The following AGBL4 variants were observed in gnomAD, a reference collection of about 807,000 sequenced individuals.
AGBL4 encodes the protein cytosolic carboxypeptidase 6.
A neutral mutation model predicts 66.4 loss-of-function variants in AGBL4; 58 were observed. The observed-to-expected ratio is 0.87, with a 90% CI of 0.71 to 1.09. The LOEUF (loss-of-function observed/expected upper bound fraction) is 1.09. AGBL4 is among the 50% of genes least tolerant of loss of function. AGBL4 has a pLI of 0.00. For synonymous variants in AGBL4, 234 were observed against 222.9 expected, an observed-to-expected ratio of 1.05 and a Z score of -0.44; for missense variants, 579 against 631.0, an observed-to-expected ratio of 0.92 and a Z score of 0.88.
intron 9 of AGBL4, among the ~76,000 whole-genome samples, chr1:48,625,224 T>C (rs1645484569): frequency 6.6e-6 from 1 of 151,996 alleles, no homozygotes; most frequent in Middle Eastern, 3.4e-3. Context: ...AGAGATGGGG[T>C]CTCACTTTGT....
In AGBL4 at chr1:48,747,251, T is replaced by A. The variant is rs147315124; in HGVS notation, c.635-84010A>T. On this transcript the variant is annotated intron_variant, in intron 6 of 13. Transcript: ENST00000371839. ...TGTGGGAAGAGTAGGAATTTTTTTTTAAAAAAGGGCTTTGATCCATTTGCA... is the reference window on the plus strand; with the variant it reads ...TGTGGGAAGAGTAGGAATTTTTTTTAAAAAAAGGGCTTTGATCCATTTGCA... 6.5e-3 allele frequency among the ~76,000 whole-genome samples: 995 copies of A among 152,246 alleles called. 12 individuals are homozygous for A. Among genetic ancestry groups the A allele is most frequent in the African/African-American group, 0.022 (896 of 41,530 alleles).
chr1:49,980,223 A>T (rs1490017552), intron 1 of AGBL4, among the ~76,000 whole-genome samples: 1 of 152,126 alleles, frequency 6.6e-6, no homozygotes, highest in Non-Finnish European at 1.5e-5. Flanking sequence ...GGTCAATCAC[A>T]TAGCAGAAAT....
intron 11 of AGBL4, among the ~76,000 whole-genome samples, chr1:48,569,657 G>T (rs1644528426): frequency 6.6e-6 from 1 of 152,214 alleles, no homozygotes; most frequent in African/African-American, 2.4e-5. Flanking sequence ...TTAAAGCCAT[G>T]AAGTCAAAAA....
chr1:49,042,270 C>T (rs1643962768), intron 5 of AGBL4, among the ~76,000 whole-genome samples: 1 of 152,008 alleles, frequency 6.6e-6, no homozygotes, highest in Non-Finnish European at 1.5e-5. Flanking sequence ...TTATTCAAGT[C>T]TAATTTTCTG....
intron 3 of AGBL4, among the ~76,000 whole-genome samples, chr1:49,657,414 T>C (rs573137702): frequency 6.6e-6 from 1 of 152,192 alleles, no homozygotes; most frequent in Non-Finnish European, 1.5e-5. Flanking sequence ...ATCAATATCG[T>C]GAAAATGGCC....
At chr1:49,666,925 T>C (rs1445657968) in intron 3 of AGBL4, among the ~76,000 whole-genome samples, 3 of 152,086 alleles carry the variant, frequency 2.0e-5, no homozygotes, top group Admixed American at 2.0e-4. Flanking sequence ...TTTACTATAA[T>C]TGTCTCCAAA....
intron 4 of AGBL4, among the ~76,000 whole-genome samples, chr1:49,153,422 T>A (rs992449921): frequency 1.3e-5 from 2 of 151,948 alleles, no homozygotes; most frequent in African/African-American, 4.8e-5. Flanking sequence ...ACACAATATA[T>A]CCCTCTTAAT....
chr1:49,007,893 G>C (rs1661999814), intron 5 of AGBL4, among the ~76,000 whole-genome samples: 1 of 150,930 alleles, frequency 6.6e-6, no homozygotes, highest in South Asian at 2.1e-4. Context: ...AACATGGAAA[G>C]GAACAACCAG....
intron 3 of AGBL4, chr1:49,423,267 G>A (rs1191674281): frequency 6.6e-6 from 1 of 152,180 alleles, no homozygotes; most frequent in African/African-American, 2.4e-5. Flanking sequence ...GCTTCTTCAA[G>A]ACAGGGTTTG....
chr1:49,706,219 C>A (rs982461348), intron 2 of AGBL4, among the ~76,000 whole-genome samples: 2 of 152,084 alleles, frequency 1.3e-5, no homozygotes, highest in Non-Finnish European at 2.9e-5. Context: ...ACTGCCTCAA[C>A]TTCAGAACAT....
chr1:48,687,628 T>C (rs1286621385), intron 6 of AGBL4, among the ~76,000 whole-genome samples: 1 of 152,248 alleles, frequency 6.6e-6, no homozygotes, highest in African/African-American at 2.4e-5. Flanking sequence ...AACCCAGATC[T>C]GCTGACCAGC....
chr1:48,719,455 C>T (rs1462894734), intron 6 of AGBL4, among the ~76,000 whole-genome samples: 2 of 152,222 alleles, frequency 1.3e-5, no homozygotes, highest in South Asian at 2.1e-4. Flanking sequence ...CTCCCTCTCC[C>T]TCCAAACCAT....
intron 1 of AGBL4, among the ~76,000 whole-genome samples, chr1:49,893,636 C>T (rs1184967875): frequency 6.6e-6 from 1 of 152,168 alleles, no homozygotes; most frequent in East Asian, 1.9e-4. Flanking sequence ...TGCTCCTCCA[C>T]CAGTGGAAAA....
chr1:49,486,403 A>G (rs1647067994), intron 3 of AGBL4, among the ~76,000 whole-genome samples: 1 of 151,992 alleles, frequency 6.6e-6, no homozygotes, highest in Non-Finnish European at 1.5e-5. Context: ...CTCTGATGTC[A>G]TTCCACAAAG....
chr1:49,851,352 C>T, intron 2 of AGBL4, 44 bp downstream of exon 2: 2 of 1,503,666 alleles, frequency 1.3e-6, no homozygotes, highest in Non-Finnish European at 1.8e-6. Context: ...AAAAGAAATG[C>T]CTTACCAGAC....
chr1:49,039,610 C>T (rs185437734), intron 5 of AGBL4, among the ~76,000 whole-genome samples: 1 of 152,078 alleles, frequency 6.6e-6, no homozygotes. Context: ...GTCTTTTCAA[C>T]AAGCGGTGCT....
At chr1:48,998,868 G>A (rs1257527876) in intron 5 of AGBL4, among the ~76,000 whole-genome samples, 1 of 152,194 alleles carries the variant, frequency 6.6e-6, no homozygotes, top group Non-Finnish European at 1.5e-5. Context: ...GACAGCTGAA[G>A]GAGAGGAAGC....
At chr1:49,739,024 C>G (rs1223653950) in intron 2 of AGBL4, among the ~76,000 whole-genome samples, 2 of 152,204 alleles carry the variant, frequency 1.3e-5, no homozygotes, top group African/African-American at 4.8e-5. Context: ...GAACGCAGTT[C>G]CTCACCAACA....
chr1:48,588,075 T>G (rs1644852949), intron 10 of AGBL4, among the ~76,000 whole-genome samples: 1 of 152,200 alleles, frequency 6.6e-6, no homozygotes, highest in South Asian at 2.1e-4. Context: ...ATTTTATCTC[T>G]CTATAGATGA....
Sources: allele counts gnomAD v4.1 joint callset (sites outside exome capture counted in the v4.1 genomes callset), GRCh38; gene constraint gnomAD v4.1.1; transcripts MANE v1.5; gene names NCBI Gene and HGNC (gene_info 2026-07-23, HGNC 2026-07-21).